Variants in TTN observed in about 807,000 individuals in gnomAD.
TTN encodes connectin.
TTN carries 1,525 observed loss-of-function variants against 3,223.0 expected under a neutral mutation model. The observed-to-expected ratio is 0.47, with a 90% confidence interval of 0.45 to 0.49. TTN has a LOEUF of 0.49. TTN is among the 20% of genes least tolerant of loss of function. The pLI is 0.00. For missense variants in TTN, 40,786 were observed against 43,424.0 expected (o/e 0.94, Z 5.40); for synonymous variants, 14,094 against 15,161.0 (o/e 0.93, Z 5.17).
At position 178,569,609 on chromosome 2, in the gene TTN, G is replaced by A; in HGVS notation, c.76523C>T (p.Pro25508Leu). 6.2e-7 allele frequency: 1 copy of A among 1,612,082 alleles called. No homozygotes were observed. Among genetic ancestry groups the A allele is most frequent in the Non-Finnish European group, 8.5e-7 (1 of 1,179,072 alleles). ...TAGTTCTAGGTCAAGATCAATGTCT[G>A]GTGCTTCTAATTTTTCTTCAACTAT... ...PIIVEEKLEA[P>L]DIDLDLELRK... Residue 25508 changes from proline (P) to leucine (L), a missense_variant, in exon 326 of 363, where the codon CCA becomes CTA. By Grantham distance (98) the Pro-to-Leu change is moderately conservative. Coordinates refer to ENST00000589042, the MANE Select transcript of TTN (RefSeq NM_001267550.2).
intron 25 of TTN, 27 bp from the exon 26 acceptor site, chr2:178,777,611 A>C: frequency 6.2e-7 from 1 of 1,613,512 alleles, no homozygotes; most frequent in Middle Eastern, 1.7e-4. Flanking sequence ...AAAAGAAAGT[A>C]GATTTTAAAA....
At position 178,542,290 on chromosome 2, in the gene TTN, T is replaced by C. The variant is rs987967114; in HGVS notation, c.97466A>G (p.Glu32489Gly). The C allele has an allele frequency of 1.2e-6, 2 of 1,611,236 alleles. No homozygotes were observed. The highest frequency in any genetic ancestry group is 3.3e-5 in the Admixed American group (2 of 59,728). ...GATGCTGCTGCGACACTCTATGACC[T>C]CAGACTGCAAGTAAGAGCCAATCCC... is the stretch of plus-strand genomic sequence containing the variant. ...RFGIGSYLQS[E>G]VIECRSSIRI... The change falls in exon 349 of 363, where the codon GAG becomes GGG. Residue 32489 changes from glutamate to glycine, a missense_variant. Glu to Gly is a moderately conservative substitution (Grantham distance 98). Transcript: ENST00000589042.
chr2:178,548,225 CAAGCT>C lies in TTN; in HGVS notation c.93396_93400del (p.Trp31134Ter), dbSNP rs886044536. Reference sequence around the variant, plus strand: ...GCCTCCATCGTGGTCAGGTTTAAGCCAAGCTAAGACTGCGGAGGATTTGCTAGTAT... The same window carrying C: ...GCCTCCATCGTGGTCAGGTTTAAGCCAAGACTGCGGAGGATTTGCTAGTAT... On this transcript the variant is annotated frameshift_variant, in exon 339 of 363. Transcript: ENST00000589042. LOFTEE classifies it high-confidence loss of function. The surrounding 1 kb of genome is among the most constrained non-coding windows in gnomAD (Gnocchi z 4.3). 1 of 1,613,794 alleles carries C rather than the reference CAAGCT, an allele frequency of 6.2e-7. No homozygotes were observed. The highest frequency in any genetic ancestry group is 8.5e-7 in the Non-Finnish European group (1 of 1,179,802).
At position 178,543,963 on chromosome 2, in the gene TTN, T is replaced by C. The variant is rs1437623875; in HGVS notation, c.96181A>G (p.Ile32061Val). 5 of 1,613,770 alleles carry C rather than the reference T, an allele frequency of 3.1e-6. No individual in the cohort carries two copies. Among genetic ancestry groups the C allele is most frequent in the Admixed American group, 3.3e-5 (2 of 60,012 alleles). ...QGIDLASRAI[I>V]DTTESYSLLI... The stretch of plus-strand genomic sequence containing the variant: ...AATGAGTAGCTCTCAGTGGTGTCAA[T>C]AATTGCCCGGCTTGCAAGGTCAATG... Residue 32061 changes from isoleucine to valine, a missense_variant, in exon 346 of 363, where the codon ATT becomes GTT. Coordinates refer to ENST00000589042, the MANE Select transcript of TTN (RefSeq NM_001267550.2).
In TTN at chr2:178,763,986, A is replaced by G. The variant is rs2089868371; in HGVS notation, c.10114+191T>C. 2.6e-5 allele frequency among the ~76,000 whole-genome samples: 4 copies of G among 152,326 alleles called. 1 individual carries two copies. The South Asian group carries it at 8.3e-4, about 32-fold the overall frequency. On this transcript the variant is annotated intron_variant, in intron 43 of 362. Coordinates refer to ENST00000589042, the MANE Select transcript of TTN (RefSeq NM_001267550.2). ...AACATAACATAAACAACCATTATTA[A>G]GGGCACAAAATAGTGAAAAACACTT... is the stretch of plus-strand genomic sequence containing the variant.
At position 178,575,020 on chromosome 2, in the gene TTN, A is replaced by C. The variant is rs1709553087; in HGVS notation, c.71112T>G (p.Tyr23704Ter). ...CTACAATGTTCCTTGCTGTTAATGG[A>C]TAGGGCCCACTATCACTTCTGACAC... ...NECVRSDSGP[Y>*]PLTARNIVGE... The change falls in exon 326 of 363, where the codon TAT (tyrosine) becomes TAG (stop). Residue 23704 changes from tyrosine (Y) to a stop codon, truncating the protein, a stop_gained. Coordinates refer to ENST00000589042, the MANE Select transcript of TTN (RefSeq NM_001267550.2). LOFTEE classifies it high-confidence loss of function. This position sits in a 1 kb window ranked among gnomAD's most constrained non-coding sequence, Gnocchi z 4.0. 1 of 1,613,318 alleles carries C rather than the reference A, an allele frequency of 6.2e-7. No homozygotes were observed. The highest frequency in any genetic ancestry group is 1.3e-5 in the African/African-American group (1 of 74,904).
Position 178,652,739 on chromosome 2 carries a change from TAA to T in TTN, c.38960-5_38960-4del, listed in dbSNP as rs2063288942. ...AACCTCTTTGGGAGCCTCTGGTACT[TAA>T]AAGATATTAGTGAAATTACATTTAG... On this transcript the variant is annotated splice_polypyrimidine_tract_variant and splice_region_variant and intron_variant, in intron 200 of 362. Transcript: ENST00000589042. The T allele has an allele frequency of 2.5e-6, 4 of 1,612,534 alleles. No individual in the cohort carries two copies. Among genetic ancestry groups the T allele is most frequent in the Admixed American group, 1.7e-5 (1 of 59,820 alleles).
At chr2:178,673,585 G>T in intron 152 of TTN, 48 bp downstream of exon 152, 1 of 1,448,140 alleles carries the variant, frequency 6.9e-7, no homozygotes, top group Non-Finnish European at 9.2e-7. Context: ...TTTTAAGAAA[G>T]AAAATTAATG....
In TTN at chr2:178,607,292, G is replaced by A. The variant is rs1187682399; in HGVS notation, c.53310C>T (p.Asp17770=). The change falls in exon 278 of 363, where the codon GAC becomes GAT. Residue 17770 remains aspartate (D), a synonymous_variant. Transcript: ENST00000589042. ...TTCTGTTTGTTACAACAGGTTTTAAGTCAAGAACTGGACCAGGGACATCTG... is the reference window on the plus strand; with the variant it reads ...TTCTGTTTGTTACAACAGGTTTTAAATCAAGAACTGGACCAGGGACATCTG... ...EVFDVPGPVL[D]LKPVVTNRKM... The A allele has an allele frequency of 6.2e-7, 1 of 1,612,526 alleles. No homozygotes were observed. The highest frequency in any genetic ancestry group is 8.5e-7 in the Non-Finnish European group (1 of 1,179,256).
Position 178,558,085 on chromosome 2 carries a change from C to T in TTN, c.87269G>A (p.Arg29090Lys). 6.2e-7 allele frequency: 1 copy of T among 1,613,912 alleles called. No homozygotes were observed. Among genetic ancestry groups the T allele is most frequent in the African/African-American group, 1.3e-5 (1 of 75,036 alleles). ...RDGVPLKATM[R>K]FNTEITAENL... ...CTCAGCAGTAATTTCGGTATTAAAT[C>T]TCATGGTTGCCTTAAGGGGGACACC... The change falls in exon 328 of 363, where the codon AGA (arginine) becomes AAA (lysine). Residue 29090 changes from arginine (R) to lysine (K), a missense_variant. Transcript: ENST00000589042.
intron 240 of TTN, among the ~76,000 whole-genome samples, chr2:178,628,477 A>G (rs920749097): frequency 6.6e-6 from 1 of 152,210 alleles, no homozygotes; most frequent in African/African-American, 2.4e-5. Flanking sequence ...TTCAAAATTA[A>G]TGATGGATTG....
Position 178,604,732 on chromosome 2 carries a change from G to T in TTN, c.54357C>A (p.Asn18119Lys). ...RKKAEWEEVT[N>K]TAVEKRYGIW... ...CCCCATATCTTTTCTCTACAGCAGTGTTGGTGACTTCCTCCCATTCTGCTT... is the reference window on the plus strand; with the variant it reads ...CCCCATATCTTTTCTCTACAGCAGTTTTGGTGACTTCCTCCCATTCTGCTT... The change falls in exon 281 of 363, where the codon AAC (asparagine) becomes AAA (lysine). Residue 18119 changes from asparagine (N) to lysine (K), a missense_variant. Transcript: ENST00000589042. 3 of 1,611,532 alleles carry T rather than the reference G, an allele frequency of 1.9e-6. No homozygotes were observed. The highest frequency in any genetic ancestry group is 2.5e-6 in the Non-Finnish European group (3 of 1,178,538).
chr2:178,592,042 C>T lies in TTN; in HGVS notation c.59862G>A (p.Glu19954=), dbSNP rs770333350. ...CAAAAGGACCACGTCCATACTGGTT[C>T]TCCGCAGCTACTCGGAAGAGGTACT... is the stretch of plus-strand genomic sequence containing the variant. ...GNQYLFRVAA[E]NQYGRGPFVE... The change falls in exon 302 of 363, where the codon GAG becomes GAA. Residue 19954 remains glutamate, a synonymous_variant. Coordinates refer to ENST00000589042, the MANE Select transcript of TTN (RefSeq NM_001267550.2). 5 of 1,613,082 alleles carry T rather than the reference C, an allele frequency of 3.1e-6. No individual in the cohort carries two copies. The East Asian group carries it at 1.1e-4, about 36-fold the overall frequency.
intron 193 of TTN, 37 bp downstream of exon 193, chr2:178,654,171 A>C: frequency 6.3e-7 from 1 of 1,585,330 alleles, no homozygotes; most frequent in Non-Finnish European, 8.5e-7. Flanking sequence ...GGGTACAGAC[A>C]GTAAGTTATT....
At position 178,567,645 on chromosome 2, in the gene TTN, C is replaced by G. The variant is rs1428745841; in HGVS notation, c.78487G>C (p.Val26163Leu). The G allele has an allele frequency of 6.2e-7, 1 of 1,612,420 alleles. No individual in the cohort carries two copies. The highest frequency in any genetic ancestry group is 8.5e-7 in the Non-Finnish European group (1 of 1,178,904). The change falls in exon 326 of 363, where the codon GTC (valine) becomes CTC (leucine). Residue 26163 changes from valine to leucine, a missense_variant. Transcript: ENST00000589042. ...GCACCAGCTGCATTCTTTGCAATGA[C>G]TCTGAATTCATATCTTTGATCTTCA... ...LTEDQRYEFR[V>L]IAKNAAGAIS...
rs565897140 is a variant in TTN, at chr2:178,611,892, C to T, written c.50417G>A (p.Gly16806Glu). Residue 16806 changes from glycine to glutamate, a missense_variant, in exon 268 of 363, where the codon GGA becomes GAA. Transcript: ENST00000589042. ...TRWVKAGKTAGPDCNFRVTDV... is the reference protein window; with the variant it reads ...TRWVKAGKTAEPDCNFRVTDV... ...AGTTACTCTGAAGTTACAGTCAGGT[C>T]CTGCAGTCTTTCCAGCTTTCACCCA... is the stretch of plus-strand genomic sequence containing the variant. 9.9e-6 allele frequency: 16 copies of T among 1,612,814 alleles called. No homozygotes were observed. In the East Asian group the frequency reaches 1.1e-4, roughly 11 times the overall value.
chr2:178,744,521 G>T (rs1052803032), intron 47 of TTN: 1 of 863,698 alleles, frequency 1.2e-6, no homozygotes, highest in African/African-American at 1.8e-5. Context: ...CAAAATTAAA[G>T]AGTTACTTTA....
rs1327366272 is a variant in TTN, at chr2:178,584,496, A to G, written c.65055T>C (p.Ser21685=). Residue 21685 remains serine, a synonymous_variant, in exon 311 of 363, where the codon AGT becomes AGC. Coordinates refer to ENST00000589042, the MANE Select transcript of TTN (RefSeq NM_001267550.2). ...AACCAATAATGGGGCTCCCTCCATC[A>G]CTATCTGGTCTGTCCCAAGCAACAA... The part of the protein sequence containing the change: ...CIFVAWDRPD[S]DGGSPIIGYL... 1.9e-6 allele frequency: 3 copies of G among 1,613,112 alleles called. No homozygotes were observed. The African/African-American group carries it at 4.0e-5, about 22-fold the overall frequency.
Position 178,536,497 on chromosome 2 carries a change from G to A in TTN, c.100250C>T (p.Ala33417Val). ...TCTAATCTTTGCACCTCCATCACTG[G>A]CAGGTGGCTTCCAGGCCACAACACA... ...DSCVVAWKPP[A>V]SDGGAKIRNY... Residue 33417 changes from alanine to valine, a missense_variant, in exon 357 of 363, where the codon GCC (alanine) becomes GTC (valine). Ala to Val is a moderately conservative substitution (Grantham distance 64). Transcript: ENST00000589042. 6.4e-7 allele frequency: 1 copy of A among 1,564,906 alleles called. No homozygotes were observed. The highest frequency in any genetic ancestry group is 8.6e-7 in the Non-Finnish European group (1 of 1,156,082).
Sources: gnomAD v4.1 joint callset for allele counts (sites outside exome capture counted in the v4.1 genomes callset) on GRCh38, gnomAD v4.1.1 for gene constraint, Gnocchi (gnomAD v3.1) non-coding constraint, MANE v1.5 for transcripts, NCBI Gene and HGNC (gene_info 2026-07-23, HGNC 2026-07-21) for gene names.